CDC42BPB: variants seen among roughly 807,000 people sequenced by gnomAD.
CDC42BPB encodes CDC42 binding protein kinase beta, also known as serine/threonine-protein kinase MRCK beta.
Under a neutral mutation model 214.9 loss-of-function variants are expected in CDC42BPB, and 37 were observed. The observed-to-expected ratio is 0.17, with a 90% confidence interval of 0.13 to 0.23. The LOEUF (loss-of-function observed/expected upper bound fraction) is 0.23. CDC42BPB is among the 10% of genes least tolerant of loss of function. CDC42BPB has a pLI of 1.00. For synonymous variants in CDC42BPB, 931 were observed against 884.0 expected, an observed-to-expected ratio of 1.05 and a Z score of -0.94; for missense variants, 1,694 against 2,227.0, an observed-to-expected ratio of 0.76 and a Z score of 4.82.
At chr14:103,035,776 C>T (rs1285755398) in intron 1 of CDC42BPB, among the ~76,000 whole-genome samples, 1 of 151,942 alleles carries the variant, frequency 6.6e-6, no homozygotes, top group South Asian at 2.1e-4. Flanking sequence ...GGAGGCGGAG[C>T]TTGCAGTGAG....
intron 4 of CDC42BPB, among the ~76,000 whole-genome samples, chr14:103,002,168 T>C (rs1228531984): frequency 6.6e-6 from 1 of 152,120 alleles, no homozygotes; most frequent in African/African-American, 2.4e-5. Context: ...CAGCCTGCAC[T>C]CGGGCCAGCC....
At chr14:102,968,190 T>C (rs4900559) in intron 16 of CDC42BPB, 63 bp downstream of exon 16, 9 of 1,195,492 alleles carry the variant, frequency 7.5e-6, no homozygotes, top group East Asian at 7.0e-5. Context: ...AAATTAAAAA[T>C]AATTTTTTTT....
rs760760116 is a variant in CDC42BPB at position 103,012,201 on chromosome 14, C to G, written c.176-13G>C. 1.2e-6 allele frequency: 2 copies of G among 1,600,770 alleles called. No homozygotes were observed. Among genetic ancestry groups the G allele is most frequent in the South Asian group, 1.1e-5 (1 of 90,650 alleles). Reference sequence around the variant, plus strand: ...GTAAATGGTTTAGCTACAAGTAAAACAGTAAAACCAACAATTTAGTCTAAT... The same window carrying G: ...GTAAATGGTTTAGCTACAAGTAAAAGAGTAAAACCAACAATTTAGTCTAAT... On this transcript the variant is annotated splice_polypyrimidine_tract_variant and intron_variant, in intron 1 of 36. Coordinates refer to ENST00000361246, the MANE Select transcript of CDC42BPB (RefSeq NM_006035.4).
intron 1 of CDC42BPB, among the ~76,000 whole-genome samples, chr14:103,025,506 T>TAAA (rs796461752): frequency 4.9e-4 from 64 of 131,648 alleles, no homozygotes; most frequent in African/African-American, 1.4e-3. Context: ...TAGTACACAT[T>TAAA]AAAAAAAAAA....
At chr14:102,935,030 GAA>G (rs1300022636) in intron 36 of CDC42BPB, among the ~76,000 whole-genome samples, 2 of 146,556 alleles carry the variant, frequency 1.4e-5, no homozygotes, top group South Asian at 4.3e-4. Flanking sequence ...AAAAAAAAAA[GAA>G]AAAAAGAAAA....
intron 16 of CDC42BPB, among the ~76,000 whole-genome samples, chr14:102,967,562 T>C (rs1295582335): frequency 6.6e-6 from 1 of 152,228 alleles, no homozygotes; most frequent in African/African-American, 2.4e-5. Flanking sequence ...GCCTAGACGG[T>C]GCGGCTGCCG....
intron 11 of CDC42BPB, 152 bp downstream of exon 11, chr14:102,975,532 C>A (rs1893698260): frequency 1.1e-5 from 9 of 811,894 alleles, no homozygotes; most frequent in Non-Finnish European, 1.5e-5. Context: ...TAAAAAAAAA[C>A]AACTGACCAA....
chr14:103,046,015 G>A (rs1026405162), intron 1 of CDC42BPB, among the ~76,000 whole-genome samples: 2 of 152,194 alleles, frequency 1.3e-5, no homozygotes, highest in Admixed American at 1.3e-4. Context: ...ACTCAGCAAA[G>A]CCAGAAAACC....
chr14:102,975,919 C>T lies in CDC42BPB; in HGVS notation c.1351G>A (p.Glu451Lys). Residue 451 changes from glutamate to lysine, a missense_variant, in exon 10 of 37, where the codon GAA (glutamate) becomes AAA (lysine). By Grantham distance (56) the Glu-to-Lys change is moderately conservative. Transcript: ENST00000361246. ...EAYERRIRRLEQEKLELSRKL... is the reference protein window; with the variant it reads ...EAYERRIRRLKQEKLELSRKL... ...CTGCTCAGCTCCAGCTTCTCCTGTT[C>T]CAGCCTCCGAATCCTCCTCTCGTAA... 1.2e-6 allele frequency: 2 copies of T among 1,614,192 alleles called. No individual in the cohort carries two copies. The highest frequency in any genetic ancestry group is 2.2e-5 in the South Asian group (2 of 91,084).
rs753949050 is a variant in CDC42BPB at position 102,952,517 on chromosome 14, C to T, written c.3153G>A (p.Arg1051=). The change falls in exon 24 of 37, where the codon CGG becomes CGA. Residue 1051 remains arginine, a synonymous_variant. Coordinates refer to ENST00000361246, the MANE Select transcript of CDC42BPB (RefSeq NM_006035.4). ...HCTSLMVGLI[R]QGYACEVCSF... is the part of the protein sequence containing the mutation. ...ACTCACCCTCGCAGGCGTAGCCCTGCCGGATCAGCCCAACCATCAGGGAGG... is the reference window on the plus strand; with the variant it reads ...ACTCACCCTCGCAGGCGTAGCCCTGTCGGATCAGCCCAACCATCAGGGAGG... 1.9e-6 allele frequency: 3 copies of T among 1,611,944 alleles called. No individual in the cohort carries two copies. The highest frequency in any genetic ancestry group is 2.5e-6 in the Non-Finnish European group (3 of 1,178,536).
chr14:103,039,604 T>C (rs1887868282), intron 1 of CDC42BPB, among the ~76,000 whole-genome samples: 1 of 151,966 alleles, frequency 6.6e-6, no homozygotes, highest in African/African-American at 2.4e-5. Context: ...AAACTAGAAA[T>C]AGAAGGAAAC....
Position 102,999,642 on chromosome 14 carries a change from C to T in CDC42BPB, c.519G>A (p.Pro173=), listed in dbSNP as rs377547128. The T allele has an allele frequency of 2.9e-5, 47 of 1,614,050 alleles. No individual in the cohort carries two copies. Among genetic ancestry groups the T allele is most frequent in the Middle Eastern group, 1.6e-4 (1 of 6,084 alleles). ...TLLSKFEDKL[P]EDMARFYIGE... is the part of the protein sequence containing the mutation. ...CAATGTAGAACCTCGCCATATCTTCCGGAAGCTTGTCTTCAAATTTGCTGA... is the reference window on the plus strand; with the variant it reads ...CAATGTAGAACCTCGCCATATCTTCTGGAAGCTTGTCTTCAAATTTGCTGA... Residue 173 remains proline (P), a synonymous_variant, in exon 5 of 37, where the codon CCG becomes CCA. Transcript: ENST00000361246.
At position 102,978,162 on chromosome 14, in the gene CDC42BPB, T is replaced by C. The variant is rs1169912257; in HGVS notation, c.1184A>G (p.His395Arg). Reference protein sequence around the residue: ...PGSHTGFSGLHLPFIGFTFTT... With the variant: ...PGSHTGFSGLRLPFIGFTFTT... ...GAATGTAAAACCAATGAATGGCAAA[T>C]GTAATCCAGAAAAGCCTGTGTGAGA... is the stretch of plus-strand genomic sequence containing the variant. Residue 395 changes from histidine to arginine, a missense_variant, in exon 9 of 37, where the codon CAT becomes CGT. Coordinates refer to ENST00000361246, the MANE Select transcript of CDC42BPB (RefSeq NM_006035.4). 1 of 1,613,828 alleles carries C rather than the reference T, an allele frequency of 6.2e-7. No individual in the cohort carries two copies. Among genetic ancestry groups the C allele is most frequent in the Admixed American group, 1.7e-5 (1 of 60,016 alleles).
intron 3 of CDC42BPB, among the ~76,000 whole-genome samples, chr14:103,007,542 C>G (rs1468132708): frequency 6.6e-6 from 1 of 152,186 alleles, no homozygotes. Context: ...AGAAGGACTT[C>G]CCAAAATGAG....
At chr14:103,016,771 A>C (rs1001120661) in intron 1 of CDC42BPB, among the ~76,000 whole-genome samples, 19 of 152,132 alleles carry the variant, frequency 1.2e-4, no homozygotes, top group African/African-American at 4.6e-4. Context: ...ACAGGGATAA[A>C]CACAGCCATA....
chr14:102,989,601 G>A (rs1350973621), intron 5 of CDC42BPB, among the ~76,000 whole-genome samples: 1 of 152,202 alleles, frequency 6.6e-6, no homozygotes, highest in African/African-American at 2.4e-5. Context: ...GGCCGGGTGC[G>A]ATGGCTCACG....
chr14:103,018,014 G>C (rs1566906523), intron 1 of CDC42BPB, among the ~76,000 whole-genome samples: 2 of 152,214 alleles, frequency 1.3e-5, no homozygotes, highest in Admixed American at 1.3e-4. Context: ...GACCCGTAGG[G>C]GGGTGGAGGA....
At chr14:103,049,251 T>C (rs760333858) in intron 1 of CDC42BPB, among the ~76,000 whole-genome samples, 26 of 152,106 alleles carry the variant, frequency 1.7e-4, no homozygotes, top group Non-Finnish European at 3.1e-4. Context: ...CCCACCAATA[T>C]CCAAGGATCT....
chr14:102,954,520 G>C, intron 22 of CDC42BPB, 82 bp downstream of exon 22: 1 of 1,429,824 alleles, frequency 7.0e-7, no homozygotes, highest in Non-Finnish European at 9.6e-7. Flanking sequence ...CTGTTATGCA[G>C]GGGCCAGGTG....
Sources: allele counts gnomAD v4.1 joint callset (sites outside exome capture counted in the v4.1 genomes callset), GRCh38; gene constraint gnomAD v4.1.1; transcripts MANE v1.5; gene names NCBI Gene and HGNC (gene_info 2026-07-23, HGNC 2026-07-21).